Variants in EXT1 observed in about 807,000 individuals in gnomAD.
EXT1 encodes the protein exostosin glycosyltransferase 1, also known as exostosin-1.
A neutral mutation model predicts 82.5 loss-of-function variants in EXT1; 20 were observed. The observed-to-expected ratio is 0.24, with a 90% CI of 0.17 to 0.35. The LOEUF is 0.35. Ranked by LOEUF, EXT1 falls within the 10% of genes least tolerant of loss-of-function variation. The pLI is 1.00. For synonymous variants in EXT1, 348 were observed against 350.8 expected (o/e 0.99, Z 0.09); for missense variants, 757 against 936.5 (o/e 0.81, Z 2.50).
chr8:118,040,960 T>C (rs1816517354), intron 1 of EXT1, among the ~76,000 whole-genome samples: 2 of 152,200 alleles, frequency 1.3e-5, no homozygotes, highest in Non-Finnish European at 2.9e-5. Context: ...CAGAGTCACA[T>C]TACTGCAGGG....
At chr8:117,889,392 T>A (rs1813203557) in intron 1 of EXT1, among the ~76,000 whole-genome samples, 1 of 152,364 alleles carries the variant, frequency 6.6e-6, no homozygotes, top group African/African-American at 2.4e-5. Flanking sequence ...TCAACAAATT[T>A]AGCTCAGGGA....
chr8:117,931,275 TC>T (rs1167507839), intron 1 of EXT1, among the ~76,000 whole-genome samples: 1 of 152,204 alleles, frequency 6.6e-6, no homozygotes, highest in African/African-American at 2.4e-5. Flanking sequence ...TCACTTGGCG[TC>T]TAGATGGAGG....
At chr8:117,897,828 C>T (rs964616323) in intron 1 of EXT1, among the ~76,000 whole-genome samples, 7 of 151,818 alleles carry the variant, frequency 4.6e-5, no homozygotes, top group East Asian at 2.0e-4. Context: ...GTTTTGAACT[C>T]CTGGGCTCAA....
At chr8:117,991,212 G>C (rs2129788328) in intron 1 of EXT1, among the ~76,000 whole-genome samples, 1 of 151,906 alleles carries the variant, frequency 6.6e-6, no homozygotes, top group East Asian at 1.9e-4. Flanking sequence ...CCAGGTTCAA[G>C]CAATTCTTGT....
At chr8:118,008,090 C>A (rs1373782813) in intron 1 of EXT1, among the ~76,000 whole-genome samples, 2 of 152,122 alleles carry the variant, frequency 1.3e-5, no homozygotes, top group East Asian at 3.8e-4. Flanking sequence ...CCGACAGGCC[C>A]AGGGATGTGT....
rs1816437505 is a variant in EXT1, at chr8:118,037,256, G to A, written c.962+72829C>T. Among the ~76,000 whole-genome samples, 3 of 152,140 alleles carry A rather than the reference G, an allele frequency of 2.0e-5. No individual in the cohort carries two copies. In the South Asian group the frequency reaches 6.2e-4, roughly 31 times the overall value. ...CTCAACATTTATCTGTATGCATTAT[G>A]TCAAGGCGTGGGAGGGGGATGTACG... On this transcript the variant is annotated intron_variant, in intron 1 of 10. Transcript: ENST00000378204.
chr8:118,011,988 G>C (rs1815909377), intron 1 of EXT1, among the ~76,000 whole-genome samples: 1 of 152,142 alleles, frequency 6.6e-6, no homozygotes, highest in Non-Finnish European at 1.5e-5. Flanking sequence ...GGGGCTCCCA[G>C]CAGCAGCAGC....
chr8:117,995,275 A>G lies in EXT1; in HGVS notation c.962+114810T>C, dbSNP rs375678344. Among the ~76,000 whole-genome samples the G allele has an allele frequency of 2.0e-5, 3 of 152,214 alleles. No individual in the cohort carries two copies. In the East Asian group the frequency reaches 5.8e-4, roughly 29 times the overall value. On this transcript the variant is annotated intron_variant, in intron 1 of 10. Transcript: ENST00000378204. ...CAATCAATATTTGTTTTCAATGCAG[A>G]CCATGTGTTCAGGCATCTTTGTTCC...
At chr8:118,024,340 G>C (rs1816166228) in intron 1 of EXT1, among the ~76,000 whole-genome samples, 3 of 152,046 alleles carry the variant, frequency 2.0e-5, no homozygotes. Flanking sequence ...ACATGTGTTT[G>C]GATACTAAAA....
Position 118,111,127 on chromosome 8 carries a change from C to T in EXT1, c.-81G>A. The T allele has an allele frequency of 2.0e-6, 3 of 1,527,858 alleles. No individual in the cohort carries two copies. The highest frequency in any genetic ancestry group is 2.6e-6 in the Non-Finnish European group (3 of 1,140,292). The allele number at this position is 1,527,858 out of a possible 1,614,324, so 94.6% of individuals were successfully genotyped here. Reference sequence around the variant, plus strand: ...CCAATCAACACTTTCAGCTCCAGTCCGCCATCTTCCCGCCTGTAAAGACTT... The same window carrying T: ...CCAATCAACACTTTCAGCTCCAGTCTGCCATCTTCCCGCCTGTAAAGACTT... On this transcript the variant is annotated 5_prime_UTR_variant, in exon 1 of 11. Transcript: ENST00000378204.
intron 1 of EXT1, among the ~76,000 whole-genome samples, chr8:117,963,129 C>G (rs1322011479): frequency 6.6e-6 from 1 of 152,156 alleles, no homozygotes; most frequent in Non-Finnish European, 1.5e-5. Flanking sequence ...GGAACACAGG[C>G]TGTATAGGGG....
chr8:118,069,429 G>T (rs1367482189), intron 1 of EXT1, among the ~76,000 whole-genome samples: 3 of 152,022 alleles, frequency 2.0e-5, no homozygotes, highest in Non-Finnish European at 2.9e-5. Flanking sequence ...CCCTGGGCTG[G>T]TGATCTCAAC....
intron 4 of EXT1, among the ~76,000 whole-genome samples, chr8:117,824,163 G>A (rs1473938873): frequency 6.6e-6 from 1 of 151,812 alleles, no homozygotes; most frequent in African/African-American, 2.4e-5. Context: ...ACTTAAATAA[G>A]TTTGGATATC....
intron 1 of EXT1, among the ~76,000 whole-genome samples, chr8:117,911,477 A>G (rs1813646703): frequency 6.6e-6 from 1 of 152,186 alleles, no homozygotes; most frequent in African/African-American, 2.4e-5. Context: ...AATGAAGCCT[A>G]CAAAAGGGAC....
intron 1 of EXT1, among the ~76,000 whole-genome samples, chr8:118,075,096 T>C (rs1172978345): frequency 6.6e-6 from 1 of 152,236 alleles, no homozygotes; most frequent in Non-Finnish European, 1.5e-5. Flanking sequence ...TCAGATATAA[T>C]GCCATGGTTA....
intron 1 of EXT1, among the ~76,000 whole-genome samples, chr8:118,072,643 G>T (rs1054085079): frequency 2.0e-5 from 3 of 152,188 alleles, no homozygotes; most frequent in African/African-American, 7.2e-5. Context: ...GAAATTGGTT[G>T]ATTCTGGAGA....
intron 1 of EXT1, among the ~76,000 whole-genome samples, chr8:117,875,988 C>T (rs1812962924): frequency 6.6e-6 from 1 of 152,132 alleles, no homozygotes; most frequent in African/African-American, 2.4e-5. Flanking sequence ...TCCTTAGAAC[C>T]TAAAGAACAC....
chr8:118,006,253 CA>C (rs1047912130), intron 1 of EXT1, among the ~76,000 whole-genome samples: 2 of 152,222 alleles, frequency 1.3e-5, no homozygotes, highest in African/African-American at 4.8e-5. Context: ...AGTTCTGAGA[CA>C]ACATCAACAA....
intron 1 of EXT1, among the ~76,000 whole-genome samples, chr8:118,024,059 CTTA>C (rs1816157223): frequency 6.6e-6 from 1 of 152,346 alleles, no homozygotes; most frequent in African/African-American, 2.4e-5. Context: ...CCATCCACCA[CTTA>C]TTATCTCCTG....
Sources: allele counts gnomAD v4.1 joint callset (sites outside exome capture counted in the v4.1 genomes callset), GRCh38; gene constraint gnomAD v4.1.1; transcripts MANE v1.5; gene names NCBI Gene and HGNC (gene_info 2026-07-23, HGNC 2026-07-21).